The following NPHP4 variants were observed in gnomAD, a reference collection of about 807,000 sequenced individuals.
NPHP4 encodes nephrocystin 4.
Under a neutral mutation model 155.8 loss-of-function variants are expected in NPHP4, and 151 were observed. That is an observed-to-expected ratio of 0.97 (90% CI 0.85 to 1.11). The LOEUF is 1.11. Among genes scored for constraint, NPHP4 ranks in the 50% least tolerant of loss-of-function variants. The pLI is 0.00. For synonymous variants in NPHP4, 845 were observed against 816.8 expected (o/e 1.03, Z -0.59); for missense variants, 1,956 against 1,925.7 (o/e 1.02, Z -0.29).
At position 5,867,896 on chromosome 1, in the gene NPHP4, C is replaced by T. The variant is rs1641420975; in HGVS notation, c.3316G>A (p.Val1106Ile). Residue 1106 changes from valine to isoleucine, a missense_variant and splice_region_variant, in exon 24 of 30, where the codon GTC becomes ATC. Transcript: ENST00000378156. The surrounding 1 kb of genome is among the most constrained non-coding windows in gnomAD (Gnocchi z 4.1). ...SSAVPTKHAK[V>I]LFRASGGKPI... ...TTGCCACCACTCGCTCGGAACAAGA[C>T]CTGTGAGGAGGCCACGCTGAGTGTT... The T allele has an allele frequency of 6.2e-7, 1 of 1,614,012 alleles. No homozygotes were observed. Among genetic ancestry groups the T allele is most frequent in the South Asian group, 1.1e-5 (1 of 91,088 alleles).
chr1:5,964,941 A>ATATATATATTTTTTTTTTTTTTT, intron 5 of NPHP4, among the ~76,000 whole-genome samples: 15 of 59,410 alleles, frequency 2.5e-4, no homozygotes, highest in African/African-American at 1.1e-3. Context: ...ATATATATAT[A>ATATATATATTTTTTTTTTTTTTT]TTTTTTTTTT....
At chr1:5,868,779 A>C (rs758403789) in intron 23 of NPHP4, among the ~76,000 whole-genome samples, 1 of 139,050 alleles carries the variant, frequency 7.2e-6, no homozygotes, top group Non-Finnish European at 1.6e-5. Context: ...CCACATGCAC[A>C]CACGCACACA....
In NPHP4 at chr1:5,877,158, G is replaced by A. The variant is rs767779934; in HGVS notation, c.2752C>T (p.Arg918Trp). ...SDATRRRKLE[R>W]MRSVRLQEAG... The stretch of plus-strand genomic sequence containing the variant: ...TCCTGCAGGCGCACAGACCTCATCC[G>A]CTCCAGCTTACGCCTGCGGGTGGCA... Residue 918 changes from arginine to tryptophan, a missense_variant, in exon 20 of 30, where the codon CGG becomes TGG. By Grantham distance (101) the Arg-to-Trp change is moderately radical (BLOSUM62 -3). Coordinates refer to ENST00000378156, the MANE Select transcript of NPHP4 (RefSeq NM_015102.5). 1.7e-5 allele frequency: 28 copies of A among 1,604,550 alleles called. No homozygotes were observed. The highest frequency in any genetic ancestry group is 3.3e-5 in the South Asian group (3 of 89,954).
chr1:5,964,941 A>ATATATATATATTTT, intron 5 of NPHP4, among the ~76,000 whole-genome samples: 8 of 59,414 alleles, frequency 1.3e-4, no homozygotes, highest in African/African-American at 5.9e-4. Context: ...ATATATATAT[A>ATATATATATATTTT]TTTTTTTTTT....
chr1:5,866,315 G>A, intron 26 of NPHP4, 58 bp downstream of exon 26: 1 of 1,149,210 alleles, frequency 8.7e-7, no homozygotes, highest in South Asian at 1.3e-5. Flanking sequence ...GCAGCCCCAG[G>A]CCTGCCTCCT....
rs1180874949 is a variant in NPHP4 at position 5,865,423 on chromosome 1, C to T, written c.3645-150G>A. 1.2e-5 allele frequency: 8 copies of T among 664,704 alleles called. No homozygotes were observed. The African/African-American group carries it at 1.3e-4, about 11-fold the overall frequency. The allele number at this position is 664,704 out of a possible 1,614,324, so 41.2% of individuals were successfully genotyped here. On this transcript the variant is annotated intron_variant, in intron 26 of 29. Coordinates refer to ENST00000378156, the MANE Select transcript of NPHP4 (RefSeq NM_015102.5). ...CAGGCCACAGGAGGCAGAGCTGGGG[C>T]CACGCAGGGAAAGCCCCGGAGGACC...
In NPHP4 at chr1:5,966,706, C is replaced by T. The variant is rs570701386; in HGVS notation, c.517+593G>A. Among the ~76,000 whole-genome samples, 8 of 152,314 alleles carry T rather than the reference C, an allele frequency of 5.3e-5. No individual in the cohort carries two copies. The East Asian group carries it at 1.5e-3, about 29-fold the overall frequency. On this transcript the variant is annotated intron_variant, in intron 5 of 29. Coordinates refer to ENST00000378156, the MANE Select transcript of NPHP4 (RefSeq NM_015102.5). ...CACTCCCCCAACTGCTAGGCAAGCA[C>T]AGCCTCTGTGCTCTGAGCCTCCCTG...
At chr1:5,976,388 T>C (rs935105021) in intron 3 of NPHP4, among the ~76,000 whole-genome samples, 12 of 152,324 alleles carry the variant, frequency 7.9e-5, no homozygotes, top group African/African-American at 2.9e-4. Flanking sequence ...ACCCGCCGCA[T>C]GGCTGTCACA....
At chr1:5,991,096 G>C (rs568196478) in intron 1 of NPHP4, among the ~76,000 whole-genome samples, 1 of 151,790 alleles carries the variant, frequency 6.6e-6, no homozygotes, top group Admixed American at 6.5e-5. Context: ...TCAGGGTCCG[G>C]GAAGCCTCCT....
At chr1:5,870,758 G>T (rs1641915359) in intron 23 of NPHP4, among the ~76,000 whole-genome samples, 1 of 152,332 alleles carries the variant, frequency 6.6e-6, no homozygotes, top group Non-Finnish European at 1.5e-5. Flanking sequence ...AATGTCTGTG[G>T]AGGTCCTGCC....
chr1:5,920,058 A>G (rs1320854113), intron 11 of NPHP4, among the ~76,000 whole-genome samples: 1 of 152,110 alleles, frequency 6.6e-6, no homozygotes, highest in African/African-American at 2.4e-5. Flanking sequence ...CAGCCTCCCG[A>G]GTAGCTGGGA....
intron 2 of NPHP4, among the ~76,000 whole-genome samples, chr1:5,984,862 G>A (rs944806219): frequency 2.0e-5 from 3 of 152,224 alleles, no homozygotes; most frequent in African/African-American, 4.8e-5. Flanking sequence ...TCTGGAAGGC[G>A]GCTGAGCCAG....
chr1:5,982,996 T>C (rs1654951723), intron 2 of NPHP4, among the ~76,000 whole-genome samples: 1 of 152,178 alleles, frequency 6.6e-6, no homozygotes, highest in Non-Finnish European at 1.5e-5. Flanking sequence ...TCTAGCTTTG[T>C]TGGGAGTGGT....
At chr1:5,903,812 A>C (rs1320496766) in intron 16 of NPHP4, among the ~76,000 whole-genome samples, 1 of 152,254 alleles carries the variant, frequency 6.6e-6, no homozygotes, top group African/African-American at 2.4e-5. Context: ...TTCTAGAAGC[A>C]GAACGTCACC....
In NPHP4 at chr1:5,945,504, G is replaced by C. The variant is rs374677868; in HGVS notation, c.1119+1600C>G. Among the ~76,000 whole-genome samples, 12 of 152,306 alleles carry C rather than the reference G, an allele frequency of 7.9e-5. No individual in the cohort carries two copies. The East Asian group carries it at 2.3e-3, about 29-fold the overall frequency. On this transcript the variant is annotated intron_variant, in intron 9 of 29. Coordinates refer to ENST00000378156, the MANE Select transcript of NPHP4 (RefSeq NM_015102.5). ...GGATTTCTGCACCTAATTAGGACTC[G>C]GAATCATAGGGACCGGAGGCATGGA...
rs181865213 is a variant in NPHP4 at position 5,876,353 on chromosome 1, C to T, written c.2817+740G>A. The stretch of plus-strand genomic sequence containing the variant: ...CCCTCCTCCCTGACCACTGAGCCCA[C>T]CAGTCCTGTGGGATCAGGCCAGGCC... On this transcript the variant is annotated intron_variant, in intron 20 of 29. Coordinates refer to ENST00000378156, the MANE Select transcript of NPHP4 (RefSeq NM_015102.5). 3 of 152,648 alleles carry T rather than the reference C, an allele frequency of 2.0e-5. No homozygotes were observed. In the East Asian group the frequency reaches 5.8e-4, roughly 29 times the overall value. 9.5% of individuals were successfully genotyped at this position (152,648 alleles called of 1,614,324 possible). A position where few individuals can be genotyped will look rare whatever the true frequency, so the allele number is the denominator to read the frequency against.
intron 5 of NPHP4, among the ~76,000 whole-genome samples, chr1:5,963,796 T>C (rs1650830859): frequency 6.6e-6 from 1 of 151,114 alleles, no homozygotes; most frequent in African/African-American, 2.4e-5. Flanking sequence ...CAAGCAATTC[T>C]CCTGCCTCAG....
rs146221061 is a variant in NPHP4, at chr1:5,898,248, C to T, written c.2143+6369G>A. Among the ~76,000 whole-genome samples the T allele has an allele frequency of 3.5e-3, 532 of 152,188 alleles. 6 individuals carry two copies. Among genetic ancestry groups the T allele is most frequent in the African/African-American group, 0.012 (486 of 41,502 alleles). ...AGGAAGCAAAAGGCCAGGACAGGAG[C>T]GAAGAAAACAAAAAGGGTTGAAGGC... On this transcript the variant is annotated intron_variant, in intron 16 of 29. Coordinates refer to ENST00000378156, the MANE Select transcript of NPHP4 (RefSeq NM_015102.5).
intron 11 of NPHP4, among the ~76,000 whole-genome samples, chr1:5,923,663 T>C (rs1300409681): frequency 6.6e-6 from 1 of 152,236 alleles, no homozygotes; most frequent in East Asian, 1.9e-4. Context: ...CAGAGCCCTC[T>C]GGGGGCACCT....
Sources: allele counts gnomAD v4.1 joint callset (sites outside exome capture counted in the v4.1 genomes callset), GRCh38; gene constraint gnomAD v4.1.1; non-coding constraint Gnocchi (gnomAD v3.1); transcripts MANE v1.5; gene names NCBI Gene and HGNC (gene_info 2026-07-23, HGNC 2026-07-21).